Variants in PPP3CB observed in about 807,000 individuals in gnomAD.
PPP3CB encodes serine/threonine-protein phosphatase 2B catalytic subunit beta isoform.
PPP3CB carries 8 observed loss-of-function variants against 66.4 expected under a neutral mutation model. That is an observed-to-expected ratio of 0.12 (90% CI 0.07 to 0.22). The LOEUF (loss-of-function observed/expected upper bound fraction) is 0.22, where lower values mean the gene tolerates loss of function less well. Ranked by LOEUF, PPP3CB falls within the 10% of genes least tolerant of loss-of-function variation. The pLI is 1.00. For missense variants in PPP3CB, 319 were observed against 642.5 expected, an observed-to-expected ratio of 0.50 and a Z score of 5.44; for synonymous variants, 208 against 221.2, an observed-to-expected ratio of 0.94 and a Z score of 0.53.
At position 73,471,478 on chromosome 10, in the gene PPP3CB, T is replaced by G. The variant is rs1448901517; in HGVS notation, c.659A>C (p.Asp220Ala). The G allele has an allele frequency of 3.7e-6, 6 of 1,606,264 alleles. No individual in the cohort carries two copies. The highest frequency in any genetic ancestry group is 5.1e-6 in the Non-Finnish European group (6 of 1,177,308). ...AAAATATATACTTACTCTCCTAATATCATCCAGTGTGTGTATTTCTGGTGA... is the reference window on the plus strand; with the variant it reads ...AAAATATATACTTACTCTCCTAATAGCATCCAGTGTGTGTATTTCTGGTGA... ...GLSPEIHTLD[D>A]IRRLDRFKEP... Residue 220 changes from aspartate to alanine, a missense_variant, in exon 5 of 14, where the codon GAT becomes GCT. By Grantham distance (126) the Asp-to-Ala change is moderately radical (BLOSUM62 -2). Around this residue, in one of 5 missense-constraint regions of PPP3CB, gnomAD observed 19 missense variants for 17.0 expected, o/e 1.12. Transcript: ENST00000360663.
intron 9 of PPP3CB, chr10:73,467,291 A>AT: frequency 4.9e-6 from 1 of 205,974 alleles, no homozygotes; most frequent in Non-Finnish European, 9.6e-6. Flanking sequence ...AAAGAAAAAA[A>AT]AAAAAAGAAA....
At chr10:73,477,125 C>T in intron 3 of PPP3CB, 1 of 515,518 alleles carries the variant, frequency 1.9e-6, no homozygotes, top group South Asian at 1.4e-5. Flanking sequence ...TCAGGTTCCT[C>T]ATCTATAAAA....
intron 9 of PPP3CB, among the ~76,000 whole-genome samples, chr10:73,464,484 T>G (rs1252262150): frequency 1.3e-5 from 2 of 152,162 alleles, no homozygotes; most frequent in East Asian, 3.8e-4. Context: ...AGAACAGAGG[T>G]TCTTAAAGGA....
intron 12 of PPP3CB, chr10:73,444,379 T>C (rs1241293936): frequency 3.6e-6 from 2 of 561,120 alleles, no homozygotes; most frequent in African/African-American, 1.9e-5. Context: ...GGAATATCCC[T>C]GATTCACATT....
At chr10:73,479,616 G>T (rs2056843146) in intron 1 of PPP3CB, 99 bp from the exon 2 acceptor site, 3 of 1,164,818 alleles carry the variant, frequency 2.6e-6, no homozygotes, top group Admixed American at 2.8e-5. Context: ...TGTAAAGCAG[G>T]GATTTTTCTT....
intron 4 of PPP3CB, among the ~76,000 whole-genome samples, chr10:73,473,153 T>C (rs2056729613): frequency 6.6e-6 from 1 of 152,196 alleles, no homozygotes. Context: ...GGTCTTATCT[T>C]ACTCATTTAG....
chr10:73,462,138 TTC>T (rs1283905677), intron 9 of PPP3CB, among the ~76,000 whole-genome samples: 3 of 140,710 alleles, frequency 2.1e-5, no homozygotes, highest in South Asian at 2.2e-4. Flanking sequence ...ATTAAACTCC[TTC>T]TTTTTTTTTT....
intron 9 of PPP3CB, among the ~76,000 whole-genome samples, chr10:73,458,906 C>G (rs2056474960): frequency 6.6e-6 from 1 of 151,710 alleles, no homozygotes; most frequent in Non-Finnish European, 1.5e-5. Context: ...CCCGTCACTA[C>G]TAAAAAATAC....
At chr10:73,464,866 C>T (rs1031858157) in intron 9 of PPP3CB, among the ~76,000 whole-genome samples, 3 of 150,904 alleles carry the variant, frequency 2.0e-5, no homozygotes, top group Admixed American at 6.6e-5. Context: ...GGGGGATGGA[C>T]GTTGCAGTGA....
rs2057219391 is a variant in PPP3CB, at chr10:73,495,916, T to C, written c.-27A>G. On this transcript the variant is annotated 5_prime_UTR_variant, in exon 1 of 14. Transcript: ENST00000360663. ...CTGGGCCCGGGGCTCGGCTAGGCTC[T>C]GGGCCGGGCGGGGTTGGGGGCGGGG... 1 of 204,012 alleles carries C rather than the reference T, an allele frequency of 4.9e-6. No individual in the cohort carries two copies. The highest frequency in any genetic ancestry group is 1.1e-4 in the East Asian group (1 of 8,878). The allele number at this position is 204,012 out of a possible 1,614,324, so 12.6% of individuals were successfully genotyped here.
rs546244963 is a variant in PPP3CB at position 73,482,861 on chromosome 10, G to A, written c.86-3344C>T. On this transcript the variant is annotated intron_variant, in intron 1 of 13. Coordinates refer to ENST00000360663, the MANE Select transcript of PPP3CB (RefSeq NM_021132.4). ...TCAAACTCCTAACCTCAGGTGATCC[G>A]CCTGCCTTGGCCTCCCTAAGTGTTG... Among the ~76,000 whole-genome samples the A allele has an allele frequency of 8.0e-3, 1,219 of 152,140 alleles. 6 individuals carry two copies. The highest frequency in any genetic ancestry group is 0.012 in the Non-Finnish European group (796 of 67,994).
At chr10:73,455,523 G>T (rs2056411797) in intron 9 of PPP3CB, among the ~76,000 whole-genome samples, 1 of 152,088 alleles carries the variant, frequency 6.6e-6, no homozygotes, top group South Asian at 2.1e-4. Flanking sequence ...TGTATCTCCA[G>T]TGTTGACCTC....
Position 73,491,228 on chromosome 10 carries a change from A to G in PPP3CB, c.85+4577T>C, listed in dbSNP as rs192814864. The stretch of plus-strand genomic sequence containing the variant: ...GTATTTTTAGTAGAGACGGGGTTTC[A>G]CCATGTTGGTCAGGCTGGTCTCGAA... On this transcript the variant is annotated intron_variant, in intron 1 of 13. Coordinates refer to ENST00000360663, the MANE Select transcript of PPP3CB (RefSeq NM_021132.4). Among the ~76,000 whole-genome samples the G allele has an allele frequency of 3.8e-3, 576 of 151,464 alleles. 1 individual carries two copies. Among genetic ancestry groups the G allele is most frequent in the Non-Finnish European group, 6.5e-3 (440 of 67,822 alleles).
In PPP3CB at chr10:73,467,789, G is replaced by A. The variant is rs545598313; in HGVS notation, c.983-111C>T. ...AAAAATATTAAGAGGAAGGGAGATC[G>A]GGGGTGAGTGGAATCAGGGCTGGTA... On this transcript the variant is annotated intron_variant, in intron 8 of 13. Transcript: ENST00000360663. 1.2e-4 allele frequency: 121 copies of A among 1,008,326 alleles called. No individual in the cohort carries two copies. In the East Asian group the frequency reaches 1.7e-3, roughly 14 times the overall value. The allele number at this position is 1,008,326 out of a possible 1,614,324, so 62.5% of individuals were successfully genotyped here.
intron 12 of PPP3CB, among the ~76,000 whole-genome samples, chr10:73,442,748 C>A (rs1589681281): frequency 1.3e-5 from 2 of 149,604 alleles, no homozygotes; most frequent in African/African-American, 2.5e-5. Context: ...AAAAAAGAAA[C>A]CTCATTCAGA....
At chr10:73,456,130 C>T (rs573561507) in intron 9 of PPP3CB, among the ~76,000 whole-genome samples, 1 of 152,190 alleles carries the variant, frequency 6.6e-6, no homozygotes, top group South Asian at 2.1e-4. Flanking sequence ...ATGAACATAT[C>T]CAAAACAAAA....
At chr10:73,494,754 G>C (rs894766939) in intron 1 of PPP3CB, among the ~76,000 whole-genome samples, 12 of 152,106 alleles carry the variant, frequency 7.9e-5, no homozygotes, top group African/African-American at 2.7e-4. Context: ...TACTGTGCCA[G>C]TGTATTTGAG....
intron 1 of PPP3CB, among the ~76,000 whole-genome samples, chr10:73,490,401 C>T (rs531912400): frequency 6.6e-6 from 1 of 152,310 alleles, no homozygotes; most frequent in South Asian, 2.1e-4. Context: ...TGTTCTCCTA[C>T]AGTTTTGTGA....
intron 10 of PPP3CB, among the ~76,000 whole-genome samples, chr10:73,449,808 T>G (rs1336808103): frequency 2.0e-5 from 3 of 152,178 alleles, no homozygotes; most frequent in African/African-American, 7.2e-5. Context: ...TAGCTTTTTT[T>G]TTTTTGAGAC....
Sources: allele counts gnomAD v4.1 joint callset (sites outside exome capture counted in the v4.1 genomes callset), GRCh38; gene constraint gnomAD v4.1.1; regional missense constraint gnomAD v4.1.1; transcripts MANE v1.5; gene names NCBI Gene and HGNC (gene_info 2026-07-23, HGNC 2026-07-21).